LY75: variants seen among roughly 807,000 people sequenced by gnomAD.
LY75 encodes the protein C-type lectin domain family 13 member B.
Under a neutral mutation model 231.7 loss-of-function variants are expected in LY75, and 185 were observed. That is an observed-to-expected ratio of 0.80 (90% confidence interval 0.71 to 0.90). The LOEUF (loss-of-function observed/expected upper bound fraction) is 0.90. Among genes scored for constraint, LY75 ranks in the 40% least tolerant of loss-of-function variants. LY75 has a pLI of 0.00. For synonymous variants in LY75, 668 were observed against 689.0 expected, an observed-to-expected ratio of 0.97 and a Z score of 0.48; for missense variants, 1,947 against 2,050.2, an observed-to-expected ratio of 0.95 and a Z score of 0.97.
At chr2:159,862,475 T>G (rs1163760191) in intron 14 of LY75, among the ~76,000 whole-genome samples, 1 of 152,014 alleles carries the variant, frequency 6.6e-6, no homozygotes, top group East Asian at 1.9e-4. Flanking sequence ...AAAAAATCAC[T>G]CATACTACCC....
chr2:159,839,323 G>T (rs1056106745), intron 25 of LY75, among the ~76,000 whole-genome samples: 1 of 152,146 alleles, frequency 6.6e-6, no homozygotes, highest in Non-Finnish European at 1.5e-5. Flanking sequence ...AATGCCAATA[G>T]GAATACCACA....
chr2:159,853,347 C>T lies in LY75; in HGVS notation c.2669G>A (p.Arg890Gln), dbSNP rs150355365. 5.3e-5 allele frequency: 85 copies of T among 1,612,706 alleles called. No homozygotes were observed. Among genetic ancestry groups the T allele is most frequent in the Middle Eastern group, 3.3e-4 (2 of 6,076 alleles). Residue 890 changes from arginine to glutamine, a missense_variant, in exon 20 of 35, where the codon CGA becomes CAA. Physicochemically the swap from Arg to Gln is conservative, Grantham distance 43. Coordinates refer to ENST00000263636, the MANE Select transcript of LY75 (RefSeq NM_002349.4). ...CACAGGAAAGCGGTGCCATGGATAT[C>T]GTGAGCTAAAAGAAAATGACAGATT... ...WPIDDHFTYS[R>Q]YPWHRFPVTF...
At chr2:159,868,954 G>A (rs1316053260) in intron 13 of LY75, among the ~76,000 whole-genome samples, 1 of 152,124 alleles carries the variant, frequency 6.6e-6, no homozygotes, top group Non-Finnish European at 1.5e-5. Context: ...ATACACCATG[G>A]AATACTATGC....
chr2:159,816,225 A>T (rs901302799), intron 30 of LY75, among the ~76,000 whole-genome samples: 3 of 152,218 alleles, frequency 2.0e-5, no homozygotes, highest in Non-Finnish European at 4.4e-5. Context: ...TAAATGATTA[A>T]ATAATATGAT....
chr2:159,844,527 A>G (rs1310113837), intron 23 of LY75, among the ~76,000 whole-genome samples: 1 of 152,082 alleles, frequency 6.6e-6, no homozygotes, highest in East Asian at 1.9e-4. Flanking sequence ...TGCTCCTGGT[A>G]TTTGCCATGG....
intron 28 of LY75, 114 bp from the exon 29 acceptor site, chr2:159,820,034 G>T (rs532130776): frequency 1.7e-5 from 18 of 1,049,720 alleles, no homozygotes; most frequent in East Asian, 2.8e-5. Context: ...CCTTCTAAAA[G>T]GTTGTATGAT....
chr2:159,876,843 T>C (rs1346078686), intron 11 of LY75, among the ~76,000 whole-genome samples: 1 of 151,146 alleles, frequency 6.6e-6, no homozygotes, highest in Non-Finnish European at 1.5e-5. Context: ...CCGTCTCTAC[T>C]AAAAATACAA....
chr2:159,877,297 C>T (rs930181816), intron 11 of LY75, among the ~76,000 whole-genome samples: 1 of 152,154 alleles, frequency 6.6e-6, no homozygotes, highest in East Asian at 1.9e-4. Flanking sequence ...TTCATGATCA[C>T]ATTAGACCAA....
chr2:159,887,575 AAAAAAAAAAG>A (rs1199422730), intron 4 of LY75, among the ~76,000 whole-genome samples: 2 of 150,156 alleles, frequency 1.3e-5, no homozygotes, highest in Admixed American at 6.6e-5. Context: ...ACAAAAAAAA[AAAAAAAAAAG>A]AAAAAAGAAA....
chr2:159,819,912 G>A lies in LY75; in HGVS notation c.3967C>T (p.Leu1323Phe), dbSNP rs766426617. The change falls in exon 29 of 35, where the codon CTT becomes TTT. Residue 1323 changes from leucine (L) to phenylalanine (F), a missense_variant. Coordinates refer to ENST00000263636, the MANE Select transcript of LY75 (RefSeq NM_002349.4). ...MLGITYRNKS[L>F]MWFDKTPLSY... ...AGTGGGGTCTTATCAAACCACATAA[G>A]AGACTTATCTAGAGAAGAAACATTT... 3.8e-6 allele frequency: 6 copies of A among 1,577,644 alleles called. No homozygotes were observed. Among genetic ancestry groups the A allele is most frequent in the African/African-American group, 3.0e-5 (2 of 67,586 alleles).
At chr2:159,823,177 A>G (rs1683353930) in intron 28 of LY75, among the ~76,000 whole-genome samples, 1 of 152,186 alleles carries the variant, frequency 6.6e-6, no homozygotes, top group Non-Finnish European at 1.5e-5. Context: ...TTCTAACCCA[A>G]TGCAAGGAAG....
At chr2:159,897,736 T>C (rs1685944504) in intron 2 of LY75, among the ~76,000 whole-genome samples, 1 of 152,244 alleles carries the variant, frequency 6.6e-6, no homozygotes, top group South Asian at 2.1e-4. Flanking sequence ...TTAGAGGACA[T>C]AATTATATGC....
chr2:159,808,488 T>C lies in LY75; in HGVS notation c.4783A>G (p.Thr1595Ala). The C allele has an allele frequency of 6.2e-7, 1 of 1,613,958 alleles. No individual in the cohort carries two copies. Among genetic ancestry groups the C allele is most frequent in the South Asian group, 1.1e-5 (1 of 91,076 alleles). ...SRLMRENNNI[T>A]MRVWLGLSQH... Reference sequence around the variant, plus strand: ...GATAATCCAAGCCAAACTCTCATGGTAATGTTATTATTTTCCCTCATCAGT... The same window carrying C: ...GATAATCCAAGCCAAACTCTCATGGCAATGTTATTATTTTCCCTCATCAGT... The change falls in exon 33 of 35, where the codon ACC becomes GCC. Residue 1595 changes from threonine to alanine, a missense_variant. Thr to Ala is a moderately conservative substitution (Grantham distance 58). Transcript: ENST00000263636.
rs757716647 is a variant in LY75, at chr2:159,881,078, C to T, written c.1404+5G>A. On this transcript the variant is annotated splice_donor_5th_base_variant and intron_variant, in intron 8 of 34. Transcript: ENST00000263636. ...AATATAAAGAAACCACAGGAGGTTT[C>T]GTACCTCTCCTAAGTAGGAAACACA... 27 of 1,611,764 alleles carry T rather than the reference C, an allele frequency of 1.7e-5. No homozygotes were observed. The highest frequency in any genetic ancestry group is 1.2e-4 in the African/African-American group (9 of 74,718).
intron 7 of LY75, among the ~76,000 whole-genome samples, chr2:159,881,688 G>C (rs1450838887): frequency 1.3e-5 from 2 of 152,120 alleles, no homozygotes; most frequent in Middle Eastern, 3.4e-3. Context: ...TCATAATACT[G>C]TCCGTCTAGT....
chr2:159,886,511 C>T lies in LY75; in HGVS notation c.822G>A (p.Lys274=), dbSNP rs1370309590. 5 of 1,604,808 alleles carry T rather than the reference C, an allele frequency of 3.1e-6. No homozygotes were observed. In the East Asian group the frequency reaches 1.1e-4, roughly 36 times the overall value. ...GCTGATTTAAACCAATCCAGAAAAT[C>T]TTAGCAATGCCTTCTTTTTCTGTAA... ...TYLKEKEGIA[K]IFWIGLNQLY... is the part of the protein sequence containing the mutation. The change falls in exon 5 of 35, where the codon AAG becomes AAA. Residue 274 remains lysine (K), a synonymous_variant. Transcript: ENST00000263636.
chr2:159,888,026 C>T (rs1347734970), intron 4 of LY75, among the ~76,000 whole-genome samples: 1 of 152,148 alleles, frequency 6.6e-6, no homozygotes, highest in Non-Finnish European at 1.5e-5. Context: ...CAATGCCAAA[C>T]ACTAGCTCAT....
At chr2:159,807,483 C>G (rs1358960615) in intron 33 of LY75, among the ~76,000 whole-genome samples, 1 of 152,160 alleles carries the variant, frequency 6.6e-6, no homozygotes, top group Admixed American at 6.5e-5. Context: ...GGAGAGATTT[C>G]TAAGGACCCA....
chr2:159,818,391 C>A (rs1337519382), intron 29 of LY75, among the ~76,000 whole-genome samples: 1 of 152,154 alleles, frequency 6.6e-6, no homozygotes, highest in Non-Finnish European at 1.5e-5. Context: ...AACTTATAAC[C>A]CCAGTTTAAT....
Sources: allele counts gnomAD v4.1 joint callset (sites outside exome capture counted in the v4.1 genomes callset), GRCh38; gene constraint gnomAD v4.1.1; transcripts MANE v1.5; gene names NCBI Gene and HGNC (gene_info 2026-07-23, HGNC 2026-07-21).